HSD17B6: variants seen among roughly 807,000 people sequenced by gnomAD.
HSD17B6 encodes the protein 17-beta-hydroxysteroid dehydrogenase type 6.
HSD17B6 carries 16 observed loss-of-function variants against 26.4 expected under a neutral mutation model. The ratio of observed to expected loss-of-function variants is 0.61; its 90% CI spans 0.41 to 0.92. The LOEUF (loss-of-function observed/expected upper bound fraction) is 0.92, where lower values mean the gene tolerates loss of function less well. HSD17B6 is among the 40% of genes least tolerant of loss of function. HSD17B6 has a pLI of 0.00. For synonymous variants in HSD17B6, 139 were observed against 153.0 expected (o/e 0.91, Z 0.68); for missense variants, 357 against 386.1 (o/e 0.92, Z 0.63).
chr12:56,772,605 G>C (rs980008145), intron 1 of HSD17B6, among the ~76,000 whole-genome samples: 1 of 151,144 alleles, frequency 6.6e-6, no homozygotes, highest in Admixed American at 6.6e-5. Flanking sequence ...CTGAGGCAAG[G>C]AGAATCACTT....
chr12:56,780,821 C>T (rs568529368), intron 2 of HSD17B6, among the ~76,000 whole-genome samples: 1 of 144,574 alleles, frequency 6.9e-6, no homozygotes, highest in Non-Finnish European at 1.5e-5. Context: ...TGCACTCCAG[C>T]CTGGGCGAGA....
At position 56,787,199 on chromosome 12, in the gene HSD17B6, G is replaced by T. The variant is rs202168813; in HGVS notation, c.811G>T (p.Ala271Ser). Residue 271 changes from alanine (A) to serine (S), a missense_variant, in exon 5 of 5, where the codon GCT (alanine) becomes TCT (serine). Physicochemically the swap from Ala to Ser is moderately conservative, Grantham distance 99. Transcript: ENST00000322165. ...LNLVTDCMEHALTSVHPRTRY... is the reference protein window; with the variant it reads ...LNLVTDCMEHSLTSVHPRTRY... ...CCTGGTCACTGACTGCATGGAACAT[G>T]CTCTGACATCGGTGCATCCGCGAAC... The T allele has an allele frequency of 4.3e-6, 7 of 1,614,204 alleles. No individual in the cohort carries two copies. Among genetic ancestry groups the T allele is most frequent in the Non-Finnish European group, 5.9e-6 (7 of 1,180,028 alleles).
At chr12:56,782,757 GACAA>G (rs1954753645) in intron 3 of HSD17B6, among the ~76,000 whole-genome samples, 1 of 151,642 alleles carries the variant, frequency 6.6e-6, no homozygotes, top group Non-Finnish European at 1.5e-5. Context: ...AAGGTCAGCA[GACAA>G]ACAAGTGAAC....
At chr12:56,774,290 G>A (rs916985800) in intron 2 of HSD17B6, 125 bp downstream of exon 2, 1 of 809,912 alleles carries the variant, frequency 1.2e-6, no homozygotes, top group Non-Finnish European at 1.9e-6. Flanking sequence ...ATCCGAGGAT[G>A]CTCAAATCCC....
intron 1 of HSD17B6, among the ~76,000 whole-genome samples, chr12:56,764,425 G>C (rs1035590217): frequency 6.6e-6 from 1 of 152,216 alleles, no homozygotes; most frequent in Non-Finnish European, 1.5e-5. Context: ...TAGTGATAAA[G>C]AGCTGATAGA....
intron 1 of HSD17B6, among the ~76,000 whole-genome samples, chr12:56,769,600 A>C (rs1393386550): frequency 6.6e-6 from 1 of 151,376 alleles, no homozygotes; most frequent in Admixed American, 6.6e-5. Context: ...AGAGACTGAC[A>C]ATATGATGTA....
At chr12:56,763,521 G>T (rs1386169871) in intron 1 of HSD17B6, 107 bp downstream of exon 1, 1 of 150,694 alleles carries the variant, frequency 6.6e-6, no homozygotes, top group Non-Finnish European at 1.5e-5. Flanking sequence ...GACAGGTTTT[G>T]ATTATGATTT....
At chr12:56,767,653 ATT>A (rs1382204467) in intron 1 of HSD17B6, among the ~76,000 whole-genome samples, 1 of 144,352 alleles carries the variant, frequency 6.9e-6, no homozygotes, top group Non-Finnish European at 1.5e-5. Flanking sequence ...TATTATATAT[ATT>A]ATATATATAG....
At chr12:56,777,917 G>A (rs1173810906) in intron 2 of HSD17B6, among the ~76,000 whole-genome samples, 2 of 152,126 alleles carry the variant, frequency 1.3e-5, no homozygotes, top group Admixed American at 6.5e-5. Context: ...CCCCCAGGCA[G>A]AGTCAGAAGT....
At chr12:56,766,310 G>A (rs189285655) in intron 1 of HSD17B6, among the ~76,000 whole-genome samples, 1 of 152,262 alleles carries the variant, frequency 6.6e-6, no homozygotes, top group African/African-American at 2.4e-5. Context: ...TGGGACGCGT[G>A]TGACAAAAGG....
chr12:56,783,273 C>T (rs1405923201), intron 3 of HSD17B6, among the ~76,000 whole-genome samples: 10 of 148,660 alleles, frequency 6.7e-5, no homozygotes, highest in African/African-American at 2.5e-4. Flanking sequence ...GGGGCTGACC[C>T]CCCCACCTCC....
At chr12:56,783,056 C>G (rs943078641) in intron 3 of HSD17B6, among the ~76,000 whole-genome samples, 2 of 152,212 alleles carry the variant, frequency 1.3e-5, no homozygotes, top group Non-Finnish European at 2.9e-5. Context: ...TACACAGACA[C>G]GGCAACCATC....
rs1313855696 is a variant in HSD17B6, at chr12:56,782,182, A to G, written c.522A>G (p.Gly174=). 1.2e-6 allele frequency: 2 copies of G among 1,614,198 alleles called. No homozygotes were observed. Among genetic ancestry groups the G allele is most frequent in the African/African-American group, 1.3e-5 (1 of 75,056 alleles). Reference sequence around the variant, plus strand: ...TGGGAAGAGTTGCTTTCTTTGTAGGAGGCTACTGTGTCTCCAAGTATGGAG... The same window carrying G: ...TGGGAAGAGTTGCTTTCTTTGTAGGGGGCTACTGTGTCTCCAAGTATGGAG... ...SILGRVAFFV[G]GYCVSKYGVE... is the part of the protein sequence containing the mutation. The change falls in exon 3 of 5, where the codon GGA becomes GGG. Residue 174 remains glycine (G), a synonymous_variant. Coordinates refer to ENST00000322165, the MANE Select transcript of HSD17B6 (RefSeq NM_003725.4).
intron 1 of HSD17B6, among the ~76,000 whole-genome samples, chr12:56,766,468 C>A (rs1037366144): frequency 6.6e-6 from 1 of 152,188 alleles, no homozygotes; most frequent in Non-Finnish European, 1.5e-5. Flanking sequence ...ATCTGTCCTC[C>A]AAGGCTCAGC....
At position 56,765,293 on chromosome 12, in the gene HSD17B6, G is replaced by A. The variant is rs551166027; in HGVS notation, c.-20+1879G>A. On this transcript the variant is annotated intron_variant, in intron 1 of 4. Coordinates refer to ENST00000322165, the MANE Select transcript of HSD17B6 (RefSeq NM_003725.4). ...TTACTAAAAAATACAAAAATTAGCC[G>A]GGCATGGTGTTGCATGCCTGTAGTC... Among the ~76,000 whole-genome samples the A allele has an allele frequency of 8.9e-4, 135 of 151,964 alleles. 1 individual carries two copies. Among genetic ancestry groups the A allele is most frequent in the African/African-American group, 3.0e-3 (126 of 41,502 alleles).
chr12:56,778,679 T>C (rs560097356), intron 2 of HSD17B6, among the ~76,000 whole-genome samples: 61 of 148,372 alleles, frequency 4.1e-4, no homozygotes, highest in Non-Finnish European at 6.6e-4. Context: ...TTTTTCTTTT[T>C]TTTTTTTTTT....
chr12:56,783,414 GCTC>G (rs1954778167), intron 3 of HSD17B6, among the ~76,000 whole-genome samples: 1 of 135,528 alleles, frequency 7.4e-6, no homozygotes, highest in Non-Finnish European at 1.6e-5. Context: ...GGGCAGAGGG[GCTC>G]CTCACTTCCC....
intron 1 of HSD17B6, among the ~76,000 whole-genome samples, chr12:56,773,253 CTT>C (rs1302810959): frequency 3.9e-5 from 6 of 152,202 alleles, no homozygotes; most frequent in African/African-American, 1.4e-4. Context: ...CTTCCTAAAA[CTT>C]AATCTGGCCA....
At chr12:56,767,705 A>T (rs927399893) in intron 1 of HSD17B6, among the ~76,000 whole-genome samples, 8 of 144,786 alleles carry the variant, frequency 5.5e-5, no homozygotes, top group African/African-American at 1.5e-4. Context: ...TATATTATAT[A>T]TACACATATA....
Sources: gnomAD v4.1 joint callset for allele counts (sites outside exome capture counted in the v4.1 genomes callset) on GRCh38, gnomAD v4.1.1 for gene constraint, MANE v1.5 for transcripts, NCBI Gene and HGNC (gene_info 2026-07-23, HGNC 2026-07-21) for gene names.